Variants in APOL1 observed in about 807,000 individuals in gnomAD.
The protein encoded by APOL1 is apolipoprotein L1, also known as apolipoprotein L 1.
APOL1 carries 17 observed loss-of-function variants against 14.9 expected under a neutral mutation model. The observed-to-expected ratio is 1.14, with a 90% CI of 0.78 to 1.71. The LOEUF (loss-of-function observed/expected upper bound fraction) is 1.71. APOL1 is among the 40% of genes most tolerant of loss of function. The pLI is 0.00. For synonymous variants in APOL1, 195 were observed against 184.8 expected (o/e 1.05, Z -0.45); for missense variants, 523 against 485.9 (o/e 1.08, Z -0.72).
chr22:36,261,901 A>C (rs1373211439), intron 5 of APOL1, among the ~76,000 whole-genome samples, 179 bp downstream of exon 5: 1 of 152,210 alleles, frequency 6.6e-6, no homozygotes, highest in Non-Finnish European at 1.5e-5. Flanking sequence ...GGCAGTGAGT[A>C]GCCTCAGGCT....
chr22:36,257,617 A>G, intron 4 of APOL1: 1 of 471,286 alleles, frequency 2.1e-6, no homozygotes, highest in South Asian at 2.2e-5. Context: ...GACACGGCCC[A>G]GGTGCCCACT....
intron 5 of APOL1, among the ~76,000 whole-genome samples, chr22:36,264,339 A>G (rs1257506490): frequency 2.0e-5 from 3 of 152,156 alleles, no homozygotes; most frequent in Non-Finnish European, 2.9e-5. Flanking sequence ...TGGCCAAATC[A>G]CCAGGCAAAG....
chr22:36,257,668 C>T, intron 4 of APOL1: 1 of 365,090 alleles, frequency 2.7e-6, no homozygotes, highest in Non-Finnish European at 5.1e-6. Flanking sequence ...TCAAGTGGGG[C>T]AGGACATCCT....
chr22:36,254,638 T>A (rs2015798001), intron 1 of APOL1, among the ~76,000 whole-genome samples: 1 of 151,968 alleles, frequency 6.6e-6, no homozygotes, highest in African/African-American at 2.4e-5. Context: ...CCAAGACAGG[T>A]GGTCACGAGG....
chr22:36,257,466 C>A, intron 4 of APOL1, 59 bp downstream of exon 4: 9 of 1,511,498 alleles, frequency 6.0e-6, no homozygotes, highest in African/African-American at 2.7e-5. Flanking sequence ...GAGGGTGGCA[C>A]CTCCACAGCT....
rs1204987598 is a variant in APOL1, at chr22:36,258,057, G to A, written c.187+650G>A. The stretch of plus-strand genomic sequence containing the variant: ...CAAATATAACACGGCTACCTGGCCT[G>A]GCCAGTGCCTGCCACACAATAGGGC... On this transcript the variant is annotated intron_variant, in intron 4 of 5. Transcript: ENST00000397278. 2.6e-5 allele frequency among the ~76,000 whole-genome samples: 4 copies of A among 152,178 alleles called. No individual in the cohort carries two copies. The East Asian group carries it at 5.8e-4, about 22-fold the overall frequency.
chr22:36,255,461 C>T (rs2015840990), intron 2 of APOL1, among the ~76,000 whole-genome samples: 1 of 152,240 alleles, frequency 6.6e-6, no homozygotes, highest in African/African-American at 2.4e-5. Flanking sequence ...TCCTGTCACC[C>T]TTGTCCCTTA....
At position 36,257,142 on chromosome 22, in the gene APOL1, T is replaced by G. The variant is rs746393532; in HGVS notation, c.98+6T>G. On this transcript the variant is annotated splice_donor_region_variant and intron_variant, in intron 3 of 5. Transcript: ENST00000397278. ...GCAGAGGAAGCTGGAGCGAGGTGAG[T>G]GTCTGCAAATAGCAGATGATGGGGG... 1.2e-6 allele frequency: 2 copies of G among 1,614,056 alleles called. No homozygotes were observed. Among genetic ancestry groups the G allele is most frequent in the Non-Finnish European group, 1.7e-6 (2 of 1,179,998 alleles).
At position 36,254,928 on chromosome 22, in the gene APOL1, C is replaced by T; in HGVS notation, c.-19-9C>T. 6.2e-7 allele frequency: 1 copy of T among 1,613,828 alleles called. No individual in the cohort carries two copies. Among genetic ancestry groups the T allele is most frequent in the Non-Finnish European group, 8.5e-7 (1 of 1,179,790 alleles). ...GCACACTGTCTCAACCCCTCTTTTC[C>T]TGCTCAAGGAGGAGGCCCTGCAGCG... On this transcript the variant is annotated splice_polypyrimidine_tract_variant and intron_variant, in intron 1 of 5. Transcript: ENST00000397278.
intron 5 of APOL1, among the ~76,000 whole-genome samples, chr22:36,262,749 G>T (rs1234475469): frequency 1.3e-5 from 2 of 152,194 alleles, no homozygotes; most frequent in Non-Finnish European, 2.9e-5. Context: ...GGTCATGGTT[G>T]CCTGTGTCTC....
chr22:36,258,260 C>G (rs567022644), intron 4 of APOL1, among the ~76,000 whole-genome samples: 7 of 152,166 alleles, frequency 4.6e-5, no homozygotes, highest in Admixed American at 1.3e-4. Flanking sequence ...AAAATACCCC[C>G]GGTCAAAGAA....
Position 36,267,313 on chromosome 22 carries a change from G to C in APOL1, c.*1280G>C, listed in dbSNP as rs1383750722. On this transcript the variant is annotated 3_prime_UTR_variant, in exon 6 of 6. Transcript: ENST00000397278. ...GCCATGGCCATGGTCCCCAGCTGAG[G>C]AGCAGGTGTCCCTGAGAACCCAAAC... The C allele has an allele frequency of 6.6e-6, 1 of 152,296 alleles. No individual in the cohort carries two copies. The highest frequency in any genetic ancestry group is 2.4e-5 in the African/African-American group (1 of 41,446). The allele number at this position is 152,296 out of a possible 1,614,324, so 9.4% of individuals were successfully genotyped here.
In APOL1 at chr22:36,265,364, T is replaced by C. The variant is rs149073330; in HGVS notation, c.528T>C (p.Asn176=). 81 of 1,612,374 alleles carry C rather than the reference T, an allele frequency of 5.0e-5. No individual in the cohort carries two copies. Among genetic ancestry groups the C allele is most frequent in the Non-Finnish European group, 6.3e-5 (74 of 1,179,028 alleles). Residue 176 remains asparagine (N), a synonymous_variant, in exon 6 of 6, where the codon AAT becomes AAC. Transcript: ENST00000397278. The part of the protein sequence containing the change: ...QKVHKGTTIA[N]VVSGSLSISS... ...TCCACAAAGGCACCACCATCGCCAA[T>C]GTGGTGTCTGGCTCTCTCAGCATTT...
rs555947840 is a variant in APOL1 at position 36,266,701 on chromosome 22, C to A, written c.*668C>A. 1.4e-5 allele frequency: 5 copies of A among 363,954 alleles called. No homozygotes were observed. Among genetic ancestry groups the A allele is most frequent in the Middle Eastern group, 7.1e-4 (1 of 1,400 alleles). 22.5% of individuals were successfully genotyped at this position (363,954 alleles called of 1,614,324 possible). ...CGGGCGGATCACGAGGTCAGGAGAT[C>A]GAGACCATCCTGGCTAACACAGTGA... On this transcript the variant is annotated 3_prime_UTR_variant, in exon 6 of 6. Transcript: ENST00000397278.
chr22:36,254,125 C>T (rs1215426162), intron 1 of APOL1: 8 of 905,106 alleles, frequency 8.8e-6, no homozygotes, highest in Non-Finnish European at 1.4e-5. Context: ...ATGTTGGCCT[C>T]CCCTCTGCCC....
rs1047589133 is a variant in APOL1, at chr22:36,266,460, T to C, written c.*427T>C. The C allele has an allele frequency of 2.0e-5, 8 of 406,114 alleles. No homozygotes were observed. In the South Asian group the frequency reaches 8.1e-4, roughly 41 times the overall value. The allele number at this position is 406,114 out of a possible 1,614,324, so 25.2% of individuals were successfully genotyped here. ...TTATGGAACTGAGTGTTAGGGACTT[T>C]GGCATTTCCATAGCTGAGCACAGCA... is the stretch of plus-strand genomic sequence containing the variant. On this transcript the variant is annotated 3_prime_UTR_variant, in exon 6 of 6. Coordinates refer to ENST00000397278, the MANE Select transcript of APOL1 (RefSeq NM_003661.4).
intron 5 of APOL1, among the ~76,000 whole-genome samples, chr22:36,264,783 C>G (rs2016178406): frequency 1.3e-5 from 2 of 149,830 alleles, no homozygotes. Context: ...ACATGGAGCT[C>G]ATTTCACAGA....
rs2016244094 is a variant in APOL1, at chr22:36,265,932, G to A, written c.1096G>A (p.Glu366Lys). The change falls in exon 6 of 6, where the codon GAG becomes AAG. Residue 366 changes from glutamate to lysine, a missense_variant. Transcript: ENST00000397278. ...GCACTTACATGAGGGGGCAAAGTCA[G>A]AGACAGCTGAGGAGCTGAAGAAGGT... The part of the protein sequence containing the change: ...SKHLHEGAKS[E>K]TAEELKKVAQ... 6.2e-7 allele frequency: 1 copy of A among 1,614,168 alleles called. No individual in the cohort carries two copies. Among genetic ancestry groups the A allele is most frequent in the Non-Finnish European group, 8.5e-7 (1 of 1,180,024 alleles).
Position 36,261,712 on chromosome 22 carries a change from G to T in APOL1, c.304G>T (p.Glu102Ter). ...CTGGAACGGATTCGTGGCTGCTGCT[G>T]AACTGCCCAGGTAAGCTCCATGGGG... The part of the protein sequence containing the change: ...EAWNGFVAAA[E>*]LPRNEADELR... The change falls in exon 5 of 6, where the codon GAA becomes TAA. Residue 102 changes from glutamate to a stop codon, truncating the protein, a stop_gained. Coordinates refer to ENST00000397278, the MANE Select transcript of APOL1 (RefSeq NM_003661.4). LOFTEE classifies it low-confidence loss of function (END_TRUNC). 6.2e-7 allele frequency: 1 copy of T among 1,613,904 alleles called. No individual in the cohort carries two copies. Among genetic ancestry groups the T allele is most frequent in the Non-Finnish European group, 8.5e-7 (1 of 1,179,856 alleles).
Sources: gnomAD v4.1 joint callset for allele counts (sites outside exome capture counted in the v4.1 genomes callset) on GRCh38, gnomAD v4.1.1 for gene constraint, MANE v1.5 for transcripts, NCBI Gene and HGNC (gene_info 2026-07-23, HGNC 2026-07-21) for gene names.